Variants in SLAIN2 observed in about 807,000 individuals in gnomAD.
SLAIN2 encodes SLAIN family member 2.
A neutral mutation model predicts 56.6 loss-of-function variants in SLAIN2; 31 were observed. That is an observed-to-expected ratio of 0.55 (90% CI 0.41 to 0.74). The LOEUF (loss-of-function observed/expected upper bound fraction) is 0.74, where lower values mean the gene tolerates loss of function less well. Ranked by LOEUF, SLAIN2 falls within the 30% of genes least tolerant of loss-of-function variation. The probability of loss-of-function intolerance (pLI) is 0.00; values close to 1 mark genes in which losing one functional copy is unlikely to be tolerated. For synonymous variants in SLAIN2, 317 were observed against 284.9 expected (o/e 1.11, Z -1.13); for missense variants, 777 against 754.2 (o/e 1.03, Z -0.35).
intron 6 of SLAIN2, among the ~76,000 whole-genome samples, chr4:48,413,041 A>T (rs1202086622): frequency 6.6e-6 from 1 of 152,038 alleles, no homozygotes; most frequent in African/African-American, 2.4e-5. Context: ...CAGCCAGACC[A>T]TCATGGCAAA....
intron 1 of SLAIN2, among the ~76,000 whole-genome samples, chr4:48,364,896 G>A (rs531026936): frequency 1.4e-5 from 2 of 142,770 alleles, no homozygotes; most frequent in African/African-American, 5.2e-5. Context: ...GGGAGGGGGA[G>A]GGAGAGGGAG....
At chr4:48,367,294 A>G (rs1410910255) in intron 1 of SLAIN2, among the ~76,000 whole-genome samples, 7 of 152,238 alleles carry the variant, frequency 4.6e-5, no homozygotes, top group Non-Finnish European at 1.0e-4. Context: ...GTAGTAATAC[A>G]TAGGGACACT....
chr4:48,413,536 C>G (rs1238663350), intron 6 of SLAIN2, among the ~76,000 whole-genome samples: 1 of 152,042 alleles, frequency 6.6e-6, no homozygotes, highest in Non-Finnish European at 1.5e-5. Context: ...ATACTTGTGT[C>G]AGTAAATTGT....
At chr4:48,411,831 G>T (rs1005314803) in intron 6 of SLAIN2, among the ~76,000 whole-genome samples, 2 of 152,120 alleles carry the variant, frequency 1.3e-5, no homozygotes, top group Admixed American at 6.6e-5. Flanking sequence ...ATATTCCTCT[G>T]CTTCCTTCTG....
At chr4:48,362,469 A>G (rs1577713769) in intron 1 of SLAIN2, among the ~76,000 whole-genome samples, 1 of 134,940 alleles carries the variant, frequency 7.4e-6, no homozygotes, top group African/African-American at 2.8e-5. Context: ...CCCAGGGTGG[A>G]GTGCAGTGGC....
At chr4:48,419,491 C>T (rs1717090054) in intron 6 of SLAIN2, among the ~76,000 whole-genome samples, 1 of 152,182 alleles carries the variant, frequency 6.6e-6, no homozygotes, top group Non-Finnish European at 1.5e-5. Context: ...GCCTCTGCAT[C>T]TCTGGTTCAG....
At chr4:48,401,403 G>A (rs569519115) in intron 6 of SLAIN2, among the ~76,000 whole-genome samples, 2 of 152,172 alleles carry the variant, frequency 1.3e-5, no homozygotes, top group Admixed American at 1.3e-4. Context: ...TATTGTGTGG[G>A]AGTCTAAGTC....
At chr4:48,365,116 G>A (rs1488652071) in intron 1 of SLAIN2, among the ~76,000 whole-genome samples, 1 of 151,894 alleles carries the variant, frequency 6.6e-6, no homozygotes, top group African/African-American at 2.4e-5. Context: ...TTTTTGGTAA[G>A]TTATATTTTC....
Position 48,423,492 on chromosome 4 carries a change from T to G in SLAIN2, c.*1415T>G, listed in dbSNP as rs539851177. On this transcript the variant is annotated 3_prime_UTR_variant, in exon 8 of 8. Transcript: ENST00000264313. ...TGTCACTTAGGTCATCTAAAAGCTT[T>G]TAGAGATTTGAACATAAGTTCATTT... 3 of 152,158 alleles carry G rather than the reference T, an allele frequency of 2.0e-5. No homozygotes were observed. Among genetic ancestry groups the G allele is most frequent in the Non-Finnish European group, 4.4e-5 (3 of 68,026 alleles). The allele number at this position is 152,158 out of a possible 1,614,324, so 9.4% of individuals were successfully genotyped here.
rs1284940798 is a variant in SLAIN2, at chr4:48,422,036, G to C, written c.1705G>C (p.Gly569Arg). Residue 569 changes from glycine to arginine, a missense_variant, in exon 8 of 8, where the codon GGT becomes CGT. Physicochemically the swap from Gly to Arg is moderately radical, Grantham distance 125. Transcript: ENST00000264313. ...ATCCTTGCCAGCTCCTAAAACCTAT[G>C]GTAGCATGAAAGATGACAGTTGGAA... Reference protein sequence around the residue: ...RRSLPAPKTYGSMKDDSWKDG... With the variant: ...RRSLPAPKTYRSMKDDSWKDG... The C allele has an allele frequency of 6.2e-7, 1 of 1,610,578 alleles. No homozygotes were observed. The highest frequency in any genetic ancestry group is 8.5e-7 in the Non-Finnish European group (1 of 1,178,554).
At chr4:48,342,820 C>T (rs1375620933) in intron 1 of SLAIN2, among the ~76,000 whole-genome samples, 3 of 144,664 alleles carry the variant, frequency 2.1e-5, no homozygotes, top group Non-Finnish European at 4.5e-5. Flanking sequence ...TTTTGCAGAG[C>T]TCTGAATTGA....
chr4:48,419,861 T>C (rs913224664), intron 6 of SLAIN2, among the ~76,000 whole-genome samples: 1 of 152,192 alleles, frequency 6.6e-6, no homozygotes, highest in African/African-American at 2.4e-5. Flanking sequence ...GTGCCTTTTC[T>C]CTTCTGGTAT....
At chr4:48,359,803 C>A (rs1295488008) in intron 1 of SLAIN2, among the ~76,000 whole-genome samples, 2 of 152,156 alleles carry the variant, frequency 1.3e-5, no homozygotes, top group Non-Finnish European at 2.9e-5. Context: ...CTTTATATAA[C>A]TTTATTCTTA....
intron 1 of SLAIN2, among the ~76,000 whole-genome samples, chr4:48,364,839 T>A (rs1434854476): frequency 3.8e-5 from 4 of 104,424 alleles, no homozygotes; most frequent in Non-Finnish European, 5.5e-5. Flanking sequence ...CGGCTCCGCA[T>A]GAGAGGGAGA....
intron 6 of SLAIN2, among the ~76,000 whole-genome samples, chr4:48,392,045 C>G (rs1457150183): frequency 3.9e-5 from 6 of 152,110 alleles, no homozygotes; most frequent in Admixed American, 1.3e-4. Flanking sequence ...ACACTGAACT[C>G]TATTATTAGA....
At chr4:48,411,695 A>G (rs1196933267) in intron 6 of SLAIN2, among the ~76,000 whole-genome samples, 1 of 151,922 alleles carries the variant, frequency 6.6e-6, no homozygotes, top group Non-Finnish European at 1.5e-5. Flanking sequence ...TTCTTCTTAG[A>G]CCTTACAGTA....
intron 6 of SLAIN2, among the ~76,000 whole-genome samples, chr4:48,384,868 A>G (rs959175782): frequency 1.1e-4 from 17 of 152,206 alleles, no homozygotes; most frequent in African/African-American, 3.6e-4. Flanking sequence ...AGTGGAGGGA[A>G]TAGTCCTGGA....
At chr4:48,414,548 GTATTTTTT>G (rs759813630) in intron 6 of SLAIN2, among the ~76,000 whole-genome samples, 2 of 101,440 alleles carry the variant, frequency 2.0e-5, no homozygotes, top group Non-Finnish European at 4.4e-5. Flanking sequence ...AATTGGTGTG[GTATTTTTT>G]TTTTTTTTTT....
At chr4:48,362,835 A>G (rs1158970521) in intron 1 of SLAIN2, among the ~76,000 whole-genome samples, 1 of 105,948 alleles carries the variant, frequency 9.4e-6, no homozygotes, top group Non-Finnish European at 1.9e-5. Context: ...GTCATGGGAC[A>G]ATAGTGGAGG....
Sources: allele counts gnomAD v4.1 joint callset (sites outside exome capture counted in the v4.1 genomes callset), GRCh38; gene constraint gnomAD v4.1.1; transcripts MANE v1.5; gene names NCBI Gene and HGNC (gene_info 2026-07-23, HGNC 2026-07-21).